Variants in RAD52 observed in about 807,000 individuals in gnomAD.
RAD52 encodes DNA repair protein RAD52 homolog.
Under a neutral mutation model 55.5 loss-of-function variants are expected in RAD52, and 47 were observed. That is an observed-to-expected ratio of 0.85 (90% CI 0.67 to 1.08). RAD52 has a LOEUF of 1.08. Ranked by LOEUF, RAD52 falls within the 50% of genes least tolerant of loss-of-function variation. RAD52 has a pLI of 0.00. For synonymous variants in RAD52, 184 were observed against 198.9 expected (o/e 0.92, Z 0.63); for missense variants, 468 against 522.8 (o/e 0.90, Z 1.02).
chr12:941,186 C>T lies in RAD52; in HGVS notation c.-18-8110G>A, dbSNP rs557086048. 6.6e-5 allele frequency among the ~76,000 whole-genome samples: 10 copies of T among 152,258 alleles called. No individual in the cohort carries two copies. The South Asian group carries it at 2.1e-3, about 32-fold the overall frequency. ...CTTGAAAGCAGGTAGAGAATGATAA[C>T]ACATTACATACAGAGTAATGAATGA... On this transcript the variant is annotated intron_variant, in intron 1 of 11. Coordinates refer to ENST00000358495, the MANE Select transcript of RAD52 (RefSeq NM_134424.4).
intron 1 of RAD52, chr12:975,886 A>G (rs953913101): frequency 1.3e-5 from 2 of 152,282 alleles, no homozygotes; most frequent in African/African-American, 4.8e-5. Flanking sequence ...AATATGATAT[A>G]GTTCTGAGTC....
At chr12:921,178 C>G (rs1956708416) in intron 7 of RAD52, among the ~76,000 whole-genome samples, 2 of 151,728 alleles carry the variant, frequency 1.3e-5, no homozygotes, top group Admixed American at 1.3e-4. Context: ...AAAAAAAGAT[C>G]TCAAATCTAC....
chr12:947,342 GACAA>G (rs1958289861), intron 1 of RAD52, among the ~76,000 whole-genome samples: 1 of 147,294 alleles, frequency 6.8e-6, no homozygotes, highest in Non-Finnish European at 1.5e-5. Context: ...AAAAACAACA[GACAA>G]ACAAAAAAAC....
upstream of RAD52, among the ~76,000 whole-genome samples, chr12:952,539 A>T (rs550977933): frequency 3.0e-4 from 45 of 152,208 alleles, no homozygotes; most frequent in Non-Finnish European, 5.4e-4. Context: ...TGTAGATGTA[A>T]TCAAGTAGGA....
At chr12:955,830 G>C (rs1234274041) in intron 1 of RAD52, among the ~76,000 whole-genome samples, 58 of 150,004 alleles carry the variant, frequency 3.9e-4, no homozygotes, top group Admixed American at 3.9e-3. Context: ...GCCCAGGCTG[G>C]AGTGCAGTGG....
At chr12:990,716 A>C (rs1441507575), upstream of RAD52, 1 of 152,274 alleles carries the variant, frequency 6.6e-6, no homozygotes, top group Non-Finnish European at 1.5e-5. Context: ...TCCCCCCAGC[A>C]GCCAGGGTCG....
chr12:981,771 T>TAAATAAATAAATAAAATA (rs1555184010), intron 1 of RAD52, among the ~76,000 whole-genome samples: 2 of 139,618 alleles, frequency 1.4e-5, no homozygotes, highest in African/African-American at 5.3e-5. Context: ...AATAAATAAA[T>TAAATAAATAAATAAAATA]AAATAAAATA....
chr12:926,562 T>C (rs1159354293), intron 6 of RAD52, among the ~76,000 whole-genome samples: 3 of 152,046 alleles, frequency 2.0e-5, no homozygotes, highest in African/African-American at 7.2e-5. Context: ...TCCTTCTCTC[T>C]CTTGCTCCCT....
At chr12:985,490 A>C (rs989622342) in intron 1 of RAD52, among the ~76,000 whole-genome samples, 7 of 152,152 alleles carry the variant, frequency 4.6e-5, no homozygotes, top group South Asian at 2.1e-4. Context: ...CACAGCTAAG[A>C]AACTATTGCC....
chr12:964,592 G>A (rs528750393), intron 1 of RAD52, among the ~76,000 whole-genome samples: 1 of 151,930 alleles, frequency 6.6e-6, no homozygotes, highest in Non-Finnish European at 1.5e-5. Flanking sequence ...TGCAAAACCT[G>A]GATGACAGAC....
chr12:916,129 A>T, intron 9 of RAD52: 3 of 1,271,716 alleles, frequency 2.4e-6, no homozygotes, highest in Non-Finnish European at 3.0e-6. Flanking sequence ...CCACGGGGGA[A>T]AAAAGAAATC....
chr12:978,915 T>TAGACAGAC (rs1555183692), intron 1 of RAD52, among the ~76,000 whole-genome samples: 1 of 151,608 alleles, frequency 6.6e-6, no homozygotes, highest in Non-Finnish European at 1.5e-5. Context: ...GATAGATAGA[T>TAGACAGAC]AGACAGACAG....
Position 929,875 on chromosome 12 carries a change from G to A in RAD52, c.292C>T (p.Leu98Phe), listed in dbSNP as rs1212711226. ...CCCACGTAGAACTTGCCATTGTTGA[G>A]GTCAACAAAATCTAGGAGTGGGAAA... ...ITQQNVDFVD[L>F]NNGKFYVGVC... Residue 98 changes from leucine (L) to phenylalanine (F), a missense_variant, in exon 5 of 12, where the codon CTC becomes TTC. Coordinates refer to ENST00000358495, the MANE Select transcript of RAD52 (RefSeq NM_134424.4). The A allele has an allele frequency of 1.2e-6, 2 of 1,613,780 alleles. No individual in the cohort carries two copies. The highest frequency in any genetic ancestry group is 1.7e-6 in the Non-Finnish European group (2 of 1,179,706).
At chr12:946,876 T>G (rs1310239159) in intron 1 of RAD52, among the ~76,000 whole-genome samples, 1 of 152,184 alleles carries the variant, frequency 6.6e-6, no homozygotes, top group Non-Finnish European at 1.5e-5. Flanking sequence ...AACTACACCG[T>G]TTATACTACA....
intron 1 of RAD52, among the ~76,000 whole-genome samples, chr12:943,175 G>T (rs1378991926): frequency 6.6e-6 from 1 of 152,170 alleles, no homozygotes; most frequent in Non-Finnish European, 1.5e-5. Flanking sequence ...CCAAATGCTG[G>T]CAAGGATGTA....
At chr12:969,083 C>G (rs1343781889) in intron 1 of RAD52, among the ~76,000 whole-genome samples, 1 of 151,984 alleles carries the variant, frequency 6.6e-6, no homozygotes, top group Non-Finnish European at 1.5e-5. Flanking sequence ...TAACAATATA[C>G]GTAGCATTTA....
intron 6 of RAD52, chr12:926,861 G>A (rs1565663357): frequency 4.6e-6 from 7 of 1,536,764 alleles, no homozygotes; most frequent in Non-Finnish European, 6.1e-6. Flanking sequence ...CTCGCAGTAG[G>A]AGTGGGAAGG....
At chr12:954,634 C>G (rs1357874310), upstream of RAD52, among the ~76,000 whole-genome samples, 2 of 151,942 alleles carry the variant, frequency 1.3e-5, no homozygotes, top group Non-Finnish European at 2.9e-5. Flanking sequence ...ACTTCATCCC[C>G]CACCCCCCAA....
chr12:923,427 G>C (rs1956844196), intron 7 of RAD52, among the ~76,000 whole-genome samples: 1 of 152,124 alleles, frequency 6.6e-6, no homozygotes, highest in Non-Finnish European at 1.5e-5. Flanking sequence ...GCACATACCT[G>C]TAGTCCCAGC....
Sources: allele counts gnomAD v4.1 joint callset (sites outside exome capture counted in the v4.1 genomes callset), GRCh38; gene constraint gnomAD v4.1.1; transcripts MANE v1.5; gene names NCBI Gene and HGNC (gene_info 2026-07-23, HGNC 2026-07-21).